CYB561A3: variants seen among roughly 807,000 people sequenced by gnomAD.
CYB561A3 encodes lysosomal membrane ascorbate-dependent ferrireductase CYB561A3.
In CYB561A3, 16 loss-of-function variants were observed where a neutral mutation model predicts 25.3. That is an observed-to-expected ratio of 0.63 (90% CI 0.43 to 0.96). CYB561A3 has a LOEUF of 0.96. Ranked by LOEUF, CYB561A3 falls within the 40% of genes least tolerant of loss-of-function variation. The probability of loss-of-function intolerance (pLI) is 0.00; values close to 1 mark genes in which losing one functional copy is unlikely to be tolerated. For synonymous variants in CYB561A3, 131 were observed against 129.9 expected, an observed-to-expected ratio of 1.01 and a Z score of -0.06; for missense variants, 219 against 307.5, an observed-to-expected ratio of 0.71 and a Z score of 2.15.
chr11:61,356,366 A>C, intron 3 of CYB561A3, 164 bp downstream of exon 3: 5 of 789,122 alleles, frequency 6.3e-6, no homozygotes, highest in Non-Finnish European at 7.3e-6. Context: ...CCCCCATCTT[A>C]ACCCCTTCCT....
In CYB561A3 at chr11:61,349,498, C is replaced by T. The variant is rs1381289340; in HGVS notation, c.*901G>A. 5 of 700,934 alleles carry T rather than the reference C, an allele frequency of 7.1e-6. No individual in the cohort carries two copies. In the Admixed American group the frequency reaches 1.0e-4, roughly 14 times the overall value. 43.4% of individuals were successfully genotyped at this position (700,934 alleles called of 1,614,324 possible). A position where few individuals can be genotyped will look rare whatever the true frequency, so the allele number is the denominator to read the frequency against. ...AGAAGTAGAGGAAGTCCACAGCCAC[C>T]TCTGTTACTCATCGCTACTGGGACA... On this transcript the variant is annotated 3_prime_UTR_variant, in exon 7 of 7. Coordinates refer to ENST00000294072, the MANE Select transcript of CYB561A3 (RefSeq NM_153611.6).
At chr11:61,351,206 T>G in intron 5 of CYB561A3, 59 bp from the exon 6 acceptor site, 1 of 1,530,778 alleles carries the variant, frequency 6.5e-7, no homozygotes, top group South Asian at 1.3e-5. Context: ...TTTTGTCTAG[T>G]GGGAGACTCG....
Position 61,352,428 on chromosome 11 carries a change from G to C in CYB561A3, c.548+557C>G, listed in dbSNP as rs896259721. ...TGTAATCCCAGCACTCTGGGAGGCC[G>C]AGGCGGGCAGATCATGAGGTCAGGA... On this transcript the variant is annotated intron_variant, in intron 5 of 6. Transcript: ENST00000294072. 4.5e-5 allele frequency: 7 copies of C among 156,358 alleles called. No individual in the cohort carries two copies. The South Asian group carries it at 1.3e-3, about 29-fold the overall frequency. 9.7% of individuals were successfully genotyped at this position (156,358 alleles called of 1,614,324 possible). A position where few individuals can be genotyped will look rare whatever the true frequency, so the allele number is the denominator to read the frequency against.
At chr11:61,350,701 C>A in intron 6 of CYB561A3, 1 of 592,682 alleles carries the variant, frequency 1.7e-6, no homozygotes, top group Non-Finnish European at 2.9e-6. Context: ...CACAGTCAAG[C>A]CCTTCCTTGG....
chr11:61,357,337 T>G, intron 2 of CYB561A3: 1 of 1,052,778 alleles, frequency 9.5e-7, no homozygotes, highest in Non-Finnish European at 1.4e-6. Flanking sequence ...GCCCCTCAGC[T>G]GTCTCCAGCC....
chr11:61,356,750 A>T (rs1253645519), intron 2 of CYB561A3, 22 bp from the exon 3 acceptor site: 1 of 1,609,930 alleles, frequency 6.2e-7, no homozygotes, highest in South Asian at 1.1e-5. Context: ...AGAAGTCACA[A>T]ATCTCCACTG....
intron 3 of CYB561A3, chr11:61,356,182 T>C: frequency 4.6e-6 from 1 of 217,832 alleles, no homozygotes; most frequent in East Asian, 9.7e-5. Flanking sequence ...TTGGAACACG[T>C]GATCCACACT....
chr11:61,349,751 C>T lies in CYB561A3; in HGVS notation c.*648G>A. The T allele has an allele frequency of 1.5e-6, 1 of 665,656 alleles. No individual in the cohort carries two copies. The highest frequency in any genetic ancestry group is 2.8e-6 in the Non-Finnish European group (1 of 362,216). The allele number at this position is 665,656 out of a possible 1,614,324, so 41.2% of individuals were successfully genotyped here. On this transcript the variant is annotated 3_prime_UTR_variant, in exon 7 of 7. Transcript: ENST00000294072. ...TCCTCAGCAGAAGCTGCGTGGGCCG[C>T]CACTCCCCCTTTCTGCAATCACCCC...
Position 61,353,904 on chromosome 11 carries a change from G to A in CYB561A3, c.273C>T (p.Phe91=), listed in dbSNP as rs568758617. The change falls in exon 4 of 7, where the codon TTC becomes TTT. Residue 91 remains phenylalanine, a synonymous_variant. Coordinates refer to ENST00000294072, the MANE Select transcript of CYB561A3 (RefSeq NM_153611.6). ...CAACCAGCCCCACAACAGTGAGGAC[G>A]AAGGCCATCAGGTGCAGCGCTGCAT... The part of the protein sequence containing the change: ...LLHAALHLMA[F]VLTVVGLVAV... 2.4e-5 allele frequency: 39 copies of A among 1,614,224 alleles called. No individual in the cohort carries two copies. The highest frequency in any genetic ancestry group is 1.7e-4 in the Admixed American group (10 of 60,016).
intron 1 of CYB561A3, chr11:61,360,404 TAGTA>T (rs1369203731): frequency 6.6e-6 from 1 of 152,138 alleles, no homozygotes; most frequent in African/African-American, 2.4e-5. Context: ...AAGGTCCAGG[TAGTA>T]AATATTCTAG....
chr11:61,357,865 G>C (rs1036096736), intron 1 of CYB561A3, 37 bp from the exon 2 acceptor site: 1 of 152,498 alleles, frequency 6.6e-6, no homozygotes, highest in Non-Finnish European at 1.5e-5. Flanking sequence ...TACTTGAACA[G>C]TAAGAATAAC....
At chr11:61,354,081 TTCCCAGCA>T in intron 3 of CYB561A3, 89 bp from the exon 4 acceptor site, 1 of 1,377,036 alleles carries the variant, frequency 7.3e-7, no homozygotes, top group Non-Finnish European at 1.0e-6. Context: ...CCTACACAGC[TTCCCAGCA>T]AGGGAACAGG....
In CYB561A3 at chr11:61,350,280, G is replaced by A; in HGVS notation, c.*119C>T. On this transcript the variant is annotated 3_prime_UTR_variant, in exon 7 of 7. Transcript: ENST00000294072. ...GCCAGCACCCAGGCAAGAAGTCTGG[G>A]CCCAGCATTGGAAGAAAGTCGCCTG... 1.5e-6 allele frequency: 2 copies of A among 1,338,754 alleles called. No individual in the cohort carries two copies. The highest frequency in any genetic ancestry group is 2.1e-6 in the Non-Finnish European group (2 of 972,678). The allele number at this position is 1,338,754 out of a possible 1,614,324, so 82.9% of individuals were successfully genotyped here.
At chr11:61,353,594 A>G (rs1294217842) in intron 4 of CYB561A3, 190 bp downstream of exon 4, 1 of 748,576 alleles carries the variant, frequency 1.3e-6, no homozygotes, top group East Asian at 2.7e-5. Context: ...GGGAGGGATA[A>G]AAGGAACAGG....
chr11:61,349,715 G>A lies in CYB561A3; in HGVS notation c.*684C>T, dbSNP rs1857308312. 4 of 692,096 alleles carry A rather than the reference G, an allele frequency of 5.8e-6. No homozygotes were observed. The South Asian group carries it at 6.0e-5, about 10-fold the overall frequency. 42.9% of individuals were successfully genotyped at this position (692,096 alleles called of 1,614,324 possible). ...CAGCAATACGAAACAGAACAGCTCA[G>A]AGCGGTCAGCTCCTCAGCAGAAGCT... On this transcript the variant is annotated 3_prime_UTR_variant, in exon 7 of 7. Coordinates refer to ENST00000294072, the MANE Select transcript of CYB561A3 (RefSeq NM_153611.6).
chr11:61,356,066 TG>T lies in CYB561A3; in HGVS notation c.184+463del, dbSNP rs1857641338. On this transcript the variant is annotated intron_variant, in intron 3 of 6. Transcript: ENST00000294072. ...GATATCACGCCACTGCACTCCAGCCTGGGCGACACAGCAAGACTCCGTCTAG... is the reference window on the plus strand; with the variant it reads ...GATATCACGCCACTGCACTCCAGCCTGGCGACACAGCAAGACTCCGTCTAG... The T allele has an allele frequency of 3.6e-5, 5 of 138,576 alleles. No individual in the cohort carries two copies. In the Admixed American group the frequency reaches 4.2e-4, roughly 12 times the overall value. 8.6% of individuals were successfully genotyped at this position (138,576 alleles called of 1,614,324 possible).
At position 61,352,830 on chromosome 11, in the gene CYB561A3, TA is replaced by T. The variant is rs745376884; in HGVS notation, c.548+154del. The T allele has an allele frequency of 9.5e-6, 14 of 1,466,840 alleles. No homozygotes were observed. The African/African-American group carries it at 1.6e-4, about 16-fold the overall frequency. The allele number at this position is 1,466,840 out of a possible 1,614,324, so 90.9% of individuals were successfully genotyped here. On this transcript the variant is annotated intron_variant, in intron 5 of 6. Coordinates refer to ENST00000294072, the MANE Select transcript of CYB561A3 (RefSeq NM_153611.6). ...ATCTGCTGACTTACCAATTTCAACC[TA>T]AAGAAAGATCAATTCTGTTACCTTC... is the stretch of plus-strand genomic sequence containing the variant.
intron 2 of CYB561A3, chr11:61,357,389 A>T: frequency 3.2e-6 from 2 of 624,964 alleles, no homozygotes; most frequent in South Asian, 4.2e-5. Context: ...AAGTCCAGAG[A>T]AAAAAAGAGG....
At chr11:61,356,385 T>G in intron 3 of CYB561A3, 145 bp downstream of exon 3, 1 of 942,162 alleles carries the variant, frequency 1.1e-6, no homozygotes, top group Non-Finnish European at 1.4e-6. Flanking sequence ...CTCCCCCAAA[T>G]GACAGCTAGG....
Sources: allele counts gnomAD v4.1 joint callset, GRCh38; gene constraint gnomAD v4.1.1; transcripts MANE v1.5; gene names NCBI Gene and HGNC (gene_info 2026-07-23, HGNC 2026-07-21).